AMPH: variants seen among roughly 807,000 people sequenced by gnomAD.
AMPH encodes the protein amphiphysin.
A neutral mutation model predicts 99.1 loss-of-function variants in AMPH; 49 were observed. The observed-to-expected ratio is 0.49, with a 90% CI of 0.39 to 0.63. The LOEUF is 0.63. AMPH is among the 20% of genes least tolerant of loss of function. The pLI is 0.00. For synonymous variants in AMPH, 314 were observed against 317.3 expected (o/e 0.99, Z 0.11); for missense variants, 759 against 863.4 (o/e 0.88, Z 1.52).
intron 1 of AMPH, among the ~76,000 whole-genome samples, chr7:38,564,053 A>T (rs151284308): frequency 4.5e-4 from 69 of 152,324 alleles, no homozygotes; most frequent in African/African-American, 1.6e-3. Flanking sequence ...ATAATGAAAT[A>T]ATTCTTTAGG....
chr7:38,491,937 T>C (rs755133586), intron 4 of AMPH, among the ~76,000 whole-genome samples: 34 of 152,206 alleles, frequency 2.2e-4, no homozygotes, highest in Non-Finnish European at 4.6e-4. Context: ...TTTGGGGAAC[T>C]AGACCTCCCT....
chr7:38,564,037 T>C (rs117963462), intron 1 of AMPH, among the ~76,000 whole-genome samples: 4,232 of 152,334 alleles, frequency 0.028, 84 homozygotes, highest in Middle Eastern at 0.054. Context: ...CTTCCAACTT[T>C]TTACAATAAT....
At chr7:38,440,881 A>C (rs6957193) in intron 11 of AMPH, among the ~76,000 whole-genome samples, 12 of 151,834 alleles carry the variant, frequency 7.9e-5, no homozygotes, top group Non-Finnish European at 1.6e-4. Context: ...AGACAATGGA[A>C]AACAAGTGAT....
At chr7:38,444,990 CAT>C (rs3056203) in intron 11 of AMPH, among the ~76,000 whole-genome samples, 23,272 of 135,850 alleles carry the variant, frequency 0.17, 3,316 homozygotes, top group African/African-American at 0.37. Context: ...CATATATATA[CAT>C]ATATATATAT....
In AMPH at chr7:38,475,448, A is replaced by C. The variant is rs573777387; in HGVS notation, c.505-32T>G. ...ATGAAACATAACATGTGTTTACACTAAGAAAGACCATTTCTATACACAACA... is the reference window on the plus strand; with the variant it reads ...ATGAAACATAACATGTGTTTACACTCAGAAAGACCATTTCTATACACAACA... On this transcript the variant is annotated intron_variant, in intron 6 of 20. Coordinates refer to ENST00000356264, the MANE Select transcript of AMPH (RefSeq NM_001635.4). 19 of 1,426,394 alleles carry C rather than the reference A, an allele frequency of 1.3e-5. 1 individual carries two copies. The South Asian group carries it at 2.2e-4, about 17-fold the overall frequency. The allele number at this position is 1,426,394 out of a possible 1,614,324, so 88.4% of individuals were successfully genotyped here.
chr7:38,571,621 T>C (rs1792042526), intron 1 of AMPH, among the ~76,000 whole-genome samples: 1 of 147,406 alleles, frequency 6.8e-6, no homozygotes, highest in Admixed American at 6.9e-5. Flanking sequence ...AGAAAGAAAA[T>C]ATTTTTGTAC....
At chr7:38,576,862 T>G (rs1231770134) in intron 1 of AMPH, among the ~76,000 whole-genome samples, 1 of 152,126 alleles carries the variant, frequency 6.6e-6, no homozygotes, top group Non-Finnish European at 1.5e-5. Flanking sequence ...GGCAAGTCAT[T>G]TAAGCTTCCT....
intron 1 of AMPH, among the ~76,000 whole-genome samples, chr7:38,598,253 TG>T (rs1366191541): frequency 6.6e-6 from 1 of 152,004 alleles, no homozygotes. Flanking sequence ...CAATGTTTTT[TG>T]TTGTTGTTGT....
Position 38,461,321 on chromosome 7 carries a change from T to C in AMPH, c.979A>G (p.Asn327Asp). The change falls in exon 11 of 21, where the codon AAC (asparagine) becomes GAC (aspartate). Residue 327 changes from asparagine to aspartate, a missense_variant. By Grantham distance (23) the Asn-to-Asp change is conservative. Around this residue, in one of 2 missense-constraint regions of AMPH, gnomAD observed 554 missense variants for 575.6 expected, o/e 0.96. Coordinates refer to ENST00000356264, the MANE Select transcript of AMPH (RefSeq NM_001635.4). ...QENIISFFED[N>D]FVPEISVTTP... ...GTCACACTGATTTCTGGAACAAAGTTGTCCTCAAAGAAACTGATGATGTTC... is the reference window on the plus strand; with the variant it reads ...GTCACACTGATTTCTGGAACAAAGTCGTCCTCAAAGAAACTGATGATGTTC... 1.2e-6 allele frequency: 2 copies of C among 1,614,096 alleles called. No individual in the cohort carries two copies. The highest frequency in any genetic ancestry group is 1.7e-6 in the Non-Finnish European group (2 of 1,179,988).
intron 7 of AMPH, among the ~76,000 whole-genome samples, chr7:38,469,770 C>A (rs994007684): frequency 6.6e-6 from 1 of 152,178 alleles, no homozygotes; most frequent in African/African-American, 2.4e-5. Context: ...ATCTCAACAA[C>A]CCTATGACTA....
intron 2 of AMPH, among the ~76,000 whole-genome samples, chr7:38,526,854 A>C (rs1046758671): frequency 5.3e-5 from 8 of 152,196 alleles, no homozygotes; most frequent in Non-Finnish European, 1.0e-4. Flanking sequence ...CCTAGATCCC[A>C]AAGATTTTCT....
At chr7:38,623,904 T>C (rs1424715345) in intron 1 of AMPH, among the ~76,000 whole-genome samples, 4 of 152,338 alleles carry the variant, frequency 2.6e-5, no homozygotes, top group South Asian at 2.1e-4. Context: ...CTGAAGCACA[T>C]GACTCTGCCA....
chr7:38,454,091 T>TA (rs1418345182), intron 11 of AMPH, among the ~76,000 whole-genome samples: 1 of 152,236 alleles, frequency 6.6e-6, no homozygotes, highest in African/African-American at 2.4e-5. Flanking sequence ...AAGGAGCTGC[T>TA]AAATCACATC....
At chr7:38,622,089 ATT>A (rs1294132845) in intron 1 of AMPH, among the ~76,000 whole-genome samples, 1 of 152,180 alleles carries the variant, frequency 6.6e-6, no homozygotes, top group African/African-American at 2.4e-5. Flanking sequence ...TGGTGACAGC[ATT>A]TCCATTATGT....
chr7:38,462,952 C>A, intron 10 of AMPH, 23 bp downstream of exon 10: 1 of 1,532,384 alleles, frequency 6.5e-7, no homozygotes, highest in East Asian at 2.3e-5. Flanking sequence ...CTCTATCCCC[C>A]AATATATTTG....
chr7:38,441,859 TC>T (rs1786563322), intron 11 of AMPH, among the ~76,000 whole-genome samples: 6 of 127,688 alleles, frequency 4.7e-5, no homozygotes, highest in Non-Finnish European at 9.2e-5. Context: ...ATCATATATA[TC>T]ATATATATCA....
chr7:38,587,352 C>T (rs1334171793), intron 1 of AMPH, among the ~76,000 whole-genome samples: 3 of 152,098 alleles, frequency 2.0e-5, no homozygotes, highest in Non-Finnish European at 2.9e-5. Flanking sequence ...ATCTTGACAT[C>T]GATCTAAACG....
chr7:38,577,105 T>C (rs563789372), intron 1 of AMPH, among the ~76,000 whole-genome samples: 2 of 152,338 alleles, frequency 1.3e-5, no homozygotes, highest in African/African-American at 4.8e-5. Flanking sequence ...AATTCAGAAA[T>C]AGATGTTTAT....
chr7:38,540,561 T>G (rs1790767945), intron 1 of AMPH, among the ~76,000 whole-genome samples: 1 of 151,598 alleles, frequency 6.6e-6, no homozygotes, highest in Admixed American at 6.6e-5. Flanking sequence ...TGTTGGCAGC[T>G]TTCAAAAAAG....
Sources: gnomAD v4.1 joint callset for allele counts (sites outside exome capture counted in the v4.1 genomes callset) on GRCh38, gnomAD v4.1.1 for gene constraint, gnomAD v4.1.1 regional missense constraint, MANE v1.5 for transcripts, NCBI Gene and HGNC (gene_info 2026-07-23, HGNC 2026-07-21) for gene names.